POU6F2: variants seen among roughly 807,000 people sequenced by gnomAD.
POU6F2 encodes the protein POU class 6 homeobox 2.
POU6F2 carries 31 observed loss-of-function variants against 71.3 expected under a neutral mutation model. That is an observed-to-expected ratio of 0.43 (90% CI 0.33 to 0.59). The LOEUF (loss-of-function observed/expected upper bound fraction) is 0.59, where lower values mean the gene tolerates loss of function less well. Among genes scored for constraint, POU6F2 ranks in the 20% least tolerant of loss-of-function variants. POU6F2 has a pLI of 0.04. For missense variants in POU6F2, 783 were observed against 856.8 expected (o/e 0.91, Z 1.07); for synonymous variants, 347 against 355.7 (o/e 0.98, Z 0.27).
chr7:39,000,065 C>A (rs571776208), intron 1 of POU6F2, among the ~76,000 whole-genome samples: 212 of 152,152 alleles, frequency 1.4e-3, no homozygotes, highest in Middle Eastern at 0.01. Flanking sequence ...CATTTTAGTT[C>A]GTTTTGTAAT....
Position 39,330,336 on chromosome 7 carries a change from C to G in POU6F2, c.599-9306C>G, listed in dbSNP as rs546223166. On this transcript the variant is annotated intron_variant, in intron 4 of 9. Transcript: ENST00000518318. Reference sequence around the variant, plus strand: ...AATTTTAAGTAGCATGTTTAAGTCTCTATTTGTTCTGTCAACTGCAGAGCC... The same window carrying G: ...AATTTTAAGTAGCATGTTTAAGTCTGTATTTGTTCTGTCAACTGCAGAGCC... 2.2e-4 allele frequency among the ~76,000 whole-genome samples: 33 copies of G among 152,302 alleles called. 1 individual carries two copies. In the South Asian group the frequency reaches 6.8e-3, roughly 32 times the overall value.
chr7:39,083,275 T>A (rs554892412), intron 1 of POU6F2, among the ~76,000 whole-genome samples: 1 of 152,298 alleles, frequency 6.6e-6, no homozygotes, highest in East Asian at 1.9e-4. Flanking sequence ...AAGTTTATCA[T>A]TAACATTATC....
At chr7:39,376,080 GA>G (rs1786704970) in intron 5 of POU6F2, among the ~76,000 whole-genome samples, 1 of 151,964 alleles carries the variant, frequency 6.6e-6, no homozygotes, top group East Asian at 1.9e-4. Context: ...TTATTTGAAG[GA>G]AAAAAATCCC....
intron 1 of POU6F2, among the ~76,000 whole-genome samples, chr7:39,014,779 C>A (rs570751894): frequency 2.0e-5 from 3 of 152,276 alleles, no homozygotes; most frequent in Non-Finnish European, 2.9e-5. Context: ...TCCTGCAGAT[C>A]ATTCTCTCAC....
intron 1 of POU6F2, among the ~76,000 whole-genome samples, chr7:38,991,838 TTCTC>T (rs111327791): frequency 7.3e-5 from 11 of 149,898 alleles, no homozygotes; most frequent in Admixed American, 1.3e-4. Flanking sequence ...TTCCTTTCAC[TTCTC>T]TCTCTCTCTC....
chr7:39,282,916 A>G (rs1014807366), intron 4 of POU6F2, among the ~76,000 whole-genome samples: 1 of 152,144 alleles, frequency 6.6e-6, no homozygotes, highest in African/African-American at 2.4e-5. Context: ...CCATGAACTC[A>G]GGATATCTTT....
At chr7:39,044,007 A>G (rs1197287813) in intron 1 of POU6F2, among the ~76,000 whole-genome samples, 1 of 151,892 alleles carries the variant, frequency 6.6e-6, no homozygotes, top group East Asian at 1.9e-4. Context: ...AGTGATTCTC[A>G]TGCCCCTTCA....
At position 39,460,596 on chromosome 7, in the gene POU6F2, C is replaced by G; in HGVS notation, c.1539C>G (p.Ile513Met). 1.2e-6 allele frequency: 2 copies of G among 1,613,336 alleles called. No homozygotes were observed. Among genetic ancestry groups the G allele is most frequent in the Non-Finnish European group, 8.5e-7 (1 of 1,179,668 alleles). ...TGGATGGGGTTAATCTGGAGGAGAT[C>G]CGAGAATTTGCCAAAGCTTTTAAAA... ...GEVDGVNLEE[I>M]REFAKAFKIR... The change falls in exon 9 of 10, where the codon ATC (isoleucine) becomes ATG (methionine). Residue 513 changes from isoleucine (I) to methionine (M), a missense_variant. Physicochemically the swap from Ile to Met is conservative, Grantham distance 10 (BLOSUM62 1). Around this residue, in one of 2 missense-constraint regions of POU6F2, gnomAD observed 211 missense variants for 283.9 expected, o/e 0.74. Transcript: ENST00000518318. The surrounding 1 kb of genome is among the most constrained non-coding windows in gnomAD (Gnocchi z 4.4).
chr7:39,045,433 G>A (rs569504134), intron 1 of POU6F2, among the ~76,000 whole-genome samples: 5 of 151,928 alleles, frequency 3.3e-5, no homozygotes, highest in East Asian at 1.9e-4. Flanking sequence ...ATTGCCATTC[G>A]TAGACTTTAT....
chr7:39,190,398 TTCC>T (rs1387406292), intron 2 of POU6F2, among the ~76,000 whole-genome samples: 2 of 134,254 alleles, frequency 1.5e-5, no homozygotes, highest in African/African-American at 5.6e-5. Context: ...ACTCTTCCTT[TTCC>T]TCCTCCTCCT....
At chr7:38,983,383 C>T (rs1008148170) in intron 1 of POU6F2, among the ~76,000 whole-genome samples, 1 of 127,392 alleles carries the variant, frequency 7.8e-6, no homozygotes, top group African/African-American at 2.7e-5. Context: ...TTTGTTCCTG[C>T]CTCCCTCCTT....
intron 4 of POU6F2, among the ~76,000 whole-genome samples, chr7:39,329,438 T>C (rs1785589214): frequency 6.6e-6 from 1 of 152,106 alleles, no homozygotes; most frequent in African/African-American, 2.4e-5. Context: ...GCCTGTTACA[T>C]AGTATAAACA....
intron 2 of POU6F2, among the ~76,000 whole-genome samples, chr7:39,116,742 C>T (rs1324554667): frequency 2.6e-5 from 4 of 152,004 alleles, no homozygotes; most frequent in Admixed American, 6.6e-5. Context: ...TTTTTGTCTC[C>T]CCTCCCTCCA....
chr7:39,448,782 C>T (rs779854779), intron 7 of POU6F2, among the ~76,000 whole-genome samples: 13 of 152,000 alleles, frequency 8.6e-5, no homozygotes, highest in African/African-American at 1.7e-4. Flanking sequence ...ATGGTAAAAC[C>T]GAAGACAATC....
intron 6 of POU6F2, among the ~76,000 whole-genome samples, chr7:39,416,067 A>G (rs1787665006): frequency 6.8e-6 from 1 of 147,680 alleles, no homozygotes; most frequent in Non-Finnish European, 1.5e-5. Context: ...TTGCTCTGTC[A>G]ACCTCACAGA....
intron 4 of POU6F2, among the ~76,000 whole-genome samples, chr7:39,217,215 G>T (rs1321364814): frequency 6.6e-6 from 1 of 151,816 alleles, no homozygotes; most frequent in Non-Finnish European, 1.5e-5. Flanking sequence ...AGATTAAAAA[G>T]AATACAACCG....
intron 2 of POU6F2, among the ~76,000 whole-genome samples, chr7:39,170,265 A>T (rs1208352379): frequency 6.6e-6 from 1 of 152,202 alleles, no homozygotes; most frequent in Non-Finnish European, 1.5e-5. Context: ...TGCAGATTGG[A>T]GAGTTAGATT....
At chr7:39,018,511 TGCTGGGAGTGTTA>T (rs1216340125) in intron 1 of POU6F2, among the ~76,000 whole-genome samples, 2 of 152,120 alleles carry the variant, frequency 1.3e-5, no homozygotes, top group African/African-American at 2.4e-5. Flanking sequence ...GTCTAGAATG[TGCTGGGAGTGTTA>T]GTTAATATGT....
chr7:39,363,009 G>A (rs117663987), intron 5 of POU6F2, among the ~76,000 whole-genome samples: 2 of 152,156 alleles, frequency 1.3e-5, no homozygotes, highest in African/African-American at 4.8e-5. Context: ...GCAGGCCACT[G>A]TAAGAACTGT....
Sources: gnomAD v4.1 joint callset for allele counts (sites outside exome capture counted in the v4.1 genomes callset) on GRCh38, gnomAD v4.1.1 for gene constraint, gnomAD v4.1.1 regional missense constraint, Gnocchi (gnomAD v3.1) non-coding constraint, MANE v1.5 for transcripts, NCBI Gene and HGNC (gene_info 2026-07-23, HGNC 2026-07-21) for gene names.